SORL1: variants seen among roughly 807,000 people sequenced by gnomAD.
SORL1 encodes sortilin related receptor 1, also known as sortilin-related receptor.
SORL1 carries 127 observed loss-of-function variants against 273.7 expected under a neutral mutation model. The ratio of observed to expected loss-of-function variants is 0.46; its 90% CI spans 0.40 to 0.54. The LOEUF (loss-of-function observed/expected upper bound fraction) is 0.54, where lower values mean the gene tolerates loss of function less well. SORL1 is among the 20% of genes least tolerant of loss of function. The pLI, the probability that SORL1 is intolerant of heterozygous loss-of-function variation, is 0.00. For synonymous variants in SORL1, 1,031 were observed against 1,067.4 expected (o/e 0.97, Z 0.66); for missense variants, 2,494 against 2,846.1 (o/e 0.88, Z 2.81).
chr11:121,577,824 A>G (rs182576702), intron 25 of SORL1, among the ~76,000 whole-genome samples: 83 of 152,348 alleles, frequency 5.4e-4, no homozygotes, highest in Admixed American at 1.2e-3. Context: ...GTAAGATTTT[A>G]TTAAAAGTAA....
chr11:121,468,310 T>C (rs748527271), intron 1 of SORL1, among the ~76,000 whole-genome samples: 3 of 152,134 alleles, frequency 2.0e-5, no homozygotes, highest in Non-Finnish European at 4.4e-5. Context: ...CTCAGACAGC[T>C]GAGGTTGAGG....
In SORL1 at chr11:121,586,330, G is replaced by T; in HGVS notation, c.3814+1G>T. 1.2e-6 allele frequency: 2 copies of T among 1,609,610 alleles called. No individual in the cohort carries two copies. The highest frequency in any genetic ancestry group is 1.7e-6 in the Non-Finnish European group (2 of 1,175,764). ...GATGGCTCCGATGAACAGCACTGCG[G>T]TGAGTTCATTCCTTGCCCCCAGGAA... On this transcript the variant is annotated splice_donor_variant, in intron 27 of 47. Transcript: ENST00000260197. LOFTEE classifies it high-confidence loss of function.
At chr11:121,628,194 T>A (rs1863826193) in intron 47 of SORL1, among the ~76,000 whole-genome samples, 1 of 152,242 alleles carries the variant, frequency 6.6e-6, no homozygotes. Flanking sequence ...CTCTTTCTGG[T>A]TGCTAGTGTA....
intron 43 of SORL1, 25 bp downstream of exon 43, chr11:121,619,942 T>C: frequency 6.3e-7 from 1 of 1,595,822 alleles, no homozygotes; most frequent in Non-Finnish European, 8.6e-7. Context: ...CTTCCAGGCC[T>C]CTTTGTTTAT....
chr11:121,525,595 G>A (rs1862109559), intron 11 of SORL1, among the ~76,000 whole-genome samples: 3 of 152,216 alleles, frequency 2.0e-5, no homozygotes. Context: ...CACTTGGTAT[G>A]ATTAGTCTTT....
intron 21 of SORL1, among the ~76,000 whole-genome samples, chr11:121,561,150 G>A (rs138883003): frequency 9.8e-5 from 15 of 152,324 alleles, no homozygotes; most frequent in Non-Finnish European, 2.1e-4. Context: ...AGAAGAGTGG[G>A]TCTTCATTTT....
chr11:121,476,912 T>G (rs1463588026), intron 2 of SORL1, among the ~76,000 whole-genome samples: 1 of 151,722 alleles, frequency 6.6e-6, no homozygotes, highest in Admixed American at 6.6e-5. Context: ...ACACCTCAGC[T>G]TCCCAACTAA....
At chr11:121,502,087 A>G (rs1336972256) in intron 6 of SORL1, among the ~76,000 whole-genome samples, 1 of 126,994 alleles carries the variant, frequency 7.9e-6, no homozygotes, top group Non-Finnish European at 1.7e-5. Flanking sequence ...CTGTTAGTTT[A>G]TACCTGGGAG....
chr11:121,532,687 C>CTT (rs35892410), intron 12 of SORL1, 135 bp downstream of exon 12: 1,535 of 518,226 alleles, frequency 3.0e-3, no homozygotes, highest in South Asian at 3.8e-3. Flanking sequence ...ATGAGTTAAA[C>CTT]TTTTTTTTTT....
At position 121,610,924 on chromosome 11, in the gene SORL1, T is replaced by TA. The variant is rs541692931; in HGVS notation, c.5240-145dup. On this transcript the variant is annotated intron_variant, in intron 38 of 47. Transcript: ENST00000260197. Reference sequence around the variant, plus strand: ...AACCTTAGCTTCAGGAAAACAGTGGTAAAAAAAGATCGATGAGGAACACTG... The same window carrying TA: ...AACCTTAGCTTCAGGAAAACAGTGGTAAAAAAAAGATCGATGAGGAACACTG... 1.1e-3 allele frequency: 626 copies of TA among 587,560 alleles called. 1 individual carries two copies. The highest frequency in any genetic ancestry group is 1.6e-3 in the Non-Finnish European group (514 of 328,338). 36.4% of individuals were successfully genotyped at this position (587,560 alleles called of 1,614,324 possible). A position where few individuals can be genotyped will look rare whatever the true frequency, so the allele number is the denominator to read the frequency against.
chr11:121,597,410 GC>G (rs1398941980), intron 32 of SORL1, among the ~76,000 whole-genome samples: 1 of 151,836 alleles, frequency 6.6e-6, no homozygotes, highest in African/African-American at 2.4e-5. Context: ...TTTCTGGCAG[GC>G]ATTGATCAGG....
chr11:121,629,634 TA>T lies in SORL1; in HGVS notation c.*75del. 1.3e-6 allele frequency: 1 copy of T among 786,416 alleles called. No homozygotes were observed. Among genetic ancestry groups the T allele is most frequent in the Non-Finnish European group, 2.2e-6 (1 of 445,178 alleles). 48.7% of individuals were successfully genotyped at this position (786,416 alleles called of 1,614,324 possible). ...GATAAAGATAGTTGATGGTTTATTT[TA>T]AAAGATGCACTTTGAGTTGCAATAT... On this transcript the variant is annotated 3_prime_UTR_variant, in exon 48 of 48. Coordinates refer to ENST00000260197, the MANE Select transcript of SORL1 (RefSeq NM_003105.6).
chr11:121,584,202 T>G (rs1159219693), intron 26 of SORL1, among the ~76,000 whole-genome samples: 3 of 152,224 alleles, frequency 2.0e-5, no homozygotes, highest in African/African-American at 4.8e-5. Context: ...TCTGACCAGT[T>G]TTTGAGTCTC....
At chr11:121,491,365 G>T (rs1565313588) in intron 5 of SORL1, among the ~76,000 whole-genome samples, 1 of 152,176 alleles carries the variant, frequency 6.6e-6, no homozygotes. Flanking sequence ...CAGTGATAAA[G>T]TAGTATAGGA....
At chr11:121,624,264 G>A (rs1195357608) in intron 45 of SORL1, among the ~76,000 whole-genome samples, 1 of 151,872 alleles carries the variant, frequency 6.6e-6, no homozygotes, top group East Asian at 1.9e-4. Flanking sequence ...GATTATGCAA[G>A]GGGGCCCAAT....
intron 24 of SORL1, among the ~76,000 whole-genome samples, chr11:121,575,639 C>A (rs1862917495): frequency 6.6e-6 from 1 of 152,246 alleles, no homozygotes. Flanking sequence ...AGAAAATACC[C>A]CTAGCCTGGC....
rs374634046 is a variant in SORL1 at position 121,543,628 on chromosome 11, A to G, written c.1766A>G (p.Glu589Gly). 1.2e-6 allele frequency: 2 copies of G among 1,614,046 alleles called. No homozygotes were observed. The highest frequency in any genetic ancestry group is 2.7e-5 in the African/African-American group (2 of 74,936). Reference protein sequence around the residue: ...KPVFVYGLLTEPGEKSTVFTI... With the variant: ...KPVFVYGLLTGPGEKSTVFTI... The stretch of plus-strand genomic sequence containing the variant: ...GTGTTTGTGTATGGCCTCCTCACAG[A>G]ACCTGGGGAGAAGAGCACTGTCTTC... The change falls in exon 13 of 48, where the codon GAA becomes GGA. Residue 589 changes from glutamate to glycine, a missense_variant. By Grantham distance (98) the Glu-to-Gly change is moderately conservative. Around this residue, in one of 3 missense-constraint regions of SORL1, gnomAD observed 710 missense variants for 882.5 expected, o/e 0.80. Transcript: ENST00000260197.
chr11:121,461,876 A>G (rs1861006033), intron 1 of SORL1, among the ~76,000 whole-genome samples: 1 of 152,214 alleles, frequency 6.6e-6, no homozygotes, highest in Non-Finnish European at 1.5e-5. Flanking sequence ...TTTGGTTGAG[A>G]GGCATTTGGT....
intron 3 of SORL1, among the ~76,000 whole-genome samples, chr11:121,485,872 A>T (rs536843477): frequency 3.9e-5 from 6 of 152,176 alleles, no homozygotes; most frequent in Non-Finnish European, 8.8e-5. Context: ...GTTTGATTTA[A>T]TGAGGCTTCT....
Sources: allele counts gnomAD v4.1 joint callset (sites outside exome capture counted in the v4.1 genomes callset), GRCh38; gene constraint gnomAD v4.1.1; regional missense constraint gnomAD v4.1.1; transcripts MANE v1.5; gene names NCBI Gene and HGNC (gene_info 2026-07-23, HGNC 2026-07-21).